The following EIF4G1 variants were observed in gnomAD, a reference collection of about 807,000 sequenced individuals.
EIF4G1 encodes the protein EIF4-gamma.
Under a neutral mutation model 187.8 loss-of-function variants are expected in EIF4G1, and 4 were observed. The observed-to-expected ratio is 0.02, with a 90% CI of 0.01 to 0.05. The LOEUF is 0.05. Ranked by LOEUF, EIF4G1 falls within the 10% of genes least tolerant of loss-of-function variation. The probability of loss-of-function intolerance (pLI) is 1.00; values close to 1 mark genes in which losing one functional copy is unlikely to be tolerated. For synonymous variants in EIF4G1, 844 were observed against 781.4 expected (o/e 1.08, Z -1.34); for missense variants, 1,647 against 2,081.1 (o/e 0.79, Z 4.06).
In EIF4G1 at chr3:184,327,417, C is replaced by A. The variant is rs563573587; in HGVS notation, c.3630C>A (p.Leu1210=). Residue 1210 remains leucine (L), a synonymous_variant, in exon 24 of 33, where the codon CTC becomes CTA. Coordinates refer to ENST00000346169, the MANE Select transcript of EIF4G1 (RefSeq NM_198241.3). Reference sequence around the variant, plus strand: ...AGGGGCTGCGCAAGGCAGCTAGCCTCACGGAGGATCGGGACCGTGGGCGGG... The same window carrying A: ...AGGGGCTGCGCAAGGCAGCTAGCCTAACGGAGGATCGGGACCGTGGGCGGG... ...QPEGLRKAAS[L]TEDRDRGRDA... 1 of 1,613,538 alleles carries A rather than the reference C, an allele frequency of 6.2e-7. No individual in the cohort carries two copies. The highest frequency in any genetic ancestry group is 1.7e-5 in the Admixed American group (1 of 60,032).
intron 26 of EIF4G1, 23 bp from the exon 27 acceptor site, chr3:184,328,608 T>C: frequency 1.2e-6 from 2 of 1,614,158 alleles, no homozygotes; most frequent in Non-Finnish European, 1.7e-6. Flanking sequence ...CTAGAATGTC[T>C]TGACTTTGAA....
chr3:184,317,879 G>T (rs2108465959), intron 6 of EIF4G1, 63 bp downstream of exon 6: 2 of 1,249,224 alleles, frequency 1.6e-6, no homozygotes, highest in East Asian at 4.7e-5. Flanking sequence ...CTCATCTGCT[G>T]ATTTCTAAAG....
In EIF4G1 at chr3:184,324,888, G is replaced by A. The variant is rs1309907826; in HGVS notation, c.2630G>A (p.Arg877Gln). The A allele has an allele frequency of 8.1e-6, 13 of 1,613,652 alleles. No individual in the cohort carries two copies. Among genetic ancestry groups the A allele is most frequent in the South Asian group, 1.1e-5 (1 of 91,088 alleles). Residue 877 changes from arginine to glutamine, a missense_variant, in exon 18 of 33, where the codon CGA (arginine) becomes CAA (glutamine). Around this residue, in one of 11 missense-constraint regions of EIF4G1, gnomAD observed 40 missense variants for 42.2 expected, o/e 0.95. Coordinates refer to ENST00000346169, the MANE Select transcript of EIF4G1 (RefSeq NM_198241.3). Reference protein sequence around the residue: ...EMDEAATAEERGRLKEELEEA... With the variant: ...EMDEAATAEEQGRLKEELEEA... Reference sequence around the variant, plus strand: ...TCCTGTGAATGGCAGGCAGAGGAACGAGGACGCCTGAAGGAAGAGCTGGAA... The same window carrying A: ...TCCTGTGAATGGCAGGCAGAGGAACAAGGACGCCTGAAGGAAGAGCTGGAA...
In EIF4G1 at chr3:184,321,392, C is replaced by G; in HGVS notation, c.808C>G (p.Pro270Ala). The G allele has an allele frequency of 3.7e-6, 6 of 1,614,154 alleles. No homozygotes were observed. Among genetic ancestry groups the G allele is most frequent in the Non-Finnish European group, 5.1e-6 (6 of 1,180,034 alleles). The stretch of plus-strand genomic sequence containing the variant: ...GCCTTCTCCGACCCCATCACCATCC[C>G]CAGTCTTGGAACCGGGGTCTGAGCC... ...SSPSPTPSPS[P>A]VLEPGSEPNL... Residue 270 changes from proline to alanine, a missense_variant, in exon 10 of 33, where the codon CCA becomes GCA. By Grantham distance (27) the Pro-to-Ala change is conservative. This residue lies in a region of EIF4G1 where 522 missense variants were observed against 485.2 expected (regional missense o/e 1.08). Coordinates refer to ENST00000346169, the MANE Select transcript of EIF4G1 (RefSeq NM_198241.3).
chr3:184,317,204 C>A, intron 4 of EIF4G1, 117 bp from the exon 5 acceptor site: 1 of 1,223,014 alleles, frequency 8.2e-7, no homozygotes, highest in Non-Finnish European at 1.2e-6. Flanking sequence ...AAGGATTGGT[C>A]GCCATGTTCT....
At position 184,318,907 on chromosome 3, in the gene EIF4G1, G is replaced by A. The variant is rs114342378; in HGVS notation, c.425-782G>A. Among the ~76,000 whole-genome samples the A allele has an allele frequency of 5.0e-3, 767 of 152,038 alleles. 5 individuals carry two copies. The highest frequency in any genetic ancestry group is 0.017 in the African/African-American group (725 of 41,472). The stretch of plus-strand genomic sequence containing the variant: ...GGCGTGAGCCACCACGCCTGGCCCT[G>A]TCTCAACTAAAAATACAAAAATTAG... On this transcript the variant is annotated intron_variant, in intron 6 of 32. Coordinates refer to ENST00000346169, the MANE Select transcript of EIF4G1 (RefSeq NM_198241.3).
At chr3:184,320,601 C>T in intron 7 of EIF4G1, 29 bp from the exon 8 acceptor site, 1 of 1,614,002 alleles carries the variant, frequency 6.2e-7, no homozygotes, top group African/African-American at 1.3e-5. Context: ...TTCCTGCTTC[C>T]CACTCATCTT....
Position 184,324,189 on chromosome 3 carries a change from T to C in EIF4G1, c.2473-12T>C. The C allele has an allele frequency of 6.2e-7, 1 of 1,614,208 alleles. No individual in the cohort carries two copies. The highest frequency in any genetic ancestry group is 2.2e-5 in the East Asian group (1 of 44,886). ...GACTAGTCTTGAGTGTGACATTCTCTCTGACCTACAGCTGAAAGTGCCCAC... is the reference window on the plus strand; with the variant it reads ...GACTAGTCTTGAGTGTGACATTCTCCCTGACCTACAGCTGAAAGTGCCCAC... On this transcript the variant is annotated splice_polypyrimidine_tract_variant and intron_variant, in intron 16 of 32. Transcript: ENST00000346169.
At chr3:184,315,316 C>T (rs752600124) in intron 1 of EIF4G1, 173 bp from the exon 2 acceptor site, 4 of 498,142 alleles carry the variant, frequency 8.0e-6, no homozygotes, top group African/African-American at 1.9e-5. Context: ...CCTGTGTGCC[C>T]CTGGGCCAGG....
chr3:184,326,524 C>T lies in EIF4G1; in HGVS notation c.3223-3C>T, dbSNP rs1330199500. On this transcript the variant is annotated splice_region_variant and splice_polypyrimidine_tract_variant and intron_variant, in intron 21 of 32. Transcript: ENST00000346169. The stretch of plus-strand genomic sequence containing the variant: ...ATGATTCTACTCCCCTTTTCTTCTT[C>T]AGCCTGGCTCCATCGATTCTAACAA... 6.2e-7 allele frequency: 1 copy of T among 1,613,966 alleles called. No individual in the cohort carries two copies. Among genetic ancestry groups the T allele is most frequent in the South Asian group, 1.1e-5 (1 of 91,072 alleles).
At chr3:184,315,169 T>A in intron 1 of EIF4G1, 1 of 352,664 alleles carries the variant, frequency 2.8e-6, no homozygotes, top group South Asian at 2.1e-5. Flanking sequence ...GACCCTCACT[T>A]GCCTGAAACC....
intron 28 of EIF4G1, 135 bp from the exon 29 acceptor site, chr3:184,331,131 T>TTTCTA: frequency 1.0e-6 from 1 of 960,564 alleles, no homozygotes; most frequent in Non-Finnish European, 1.7e-6. Flanking sequence ...CCTATTAGTA[T>TTTCTA]TTCTATAGCA....
At chr3:184,316,975 T>C (rs899943381) in intron 4 of EIF4G1, among the ~76,000 whole-genome samples, 1 of 152,154 alleles carries the variant, frequency 6.6e-6, no homozygotes, top group African/African-American at 2.4e-5. Context: ...GAGCAGTGCA[T>C]GCTGGGGATA....
rs892048431 is a variant in EIF4G1 at position 184,334,658 on chromosome 3, AGGGTTCCCTGGGGTGGGCTG to A, written c.4619-64_4619-45del. ...CCTTGTTTGAACAGTGGAACTTGGG[AGGGTTCCCTGGGGTGGGCTG>A]GGGTGGCGGTGGCCAGTCACCTCTA... On this transcript the variant is annotated intron_variant, in intron 32 of 32. Transcript: ENST00000346169. The surrounding 1 kb of genome is among the most constrained non-coding windows in gnomAD (Gnocchi z 5.8). 7.5e-6 allele frequency: 12 copies of A among 1,599,604 alleles called. No individual in the cohort carries two copies. Among genetic ancestry groups the A allele is most frequent in the Admixed American group, 5.0e-5 (3 of 59,690 alleles).
At position 184,323,209 on chromosome 3, in the gene EIF4G1, G is replaced by T. The variant is rs112019125; in HGVS notation, c.2056G>T (p.Gly686Cys). The change falls in exon 14 of 33, where the codon GGT becomes TGT. Residue 686 changes from glycine to cysteine, a missense_variant. Gly to Cys is a radical substitution (Grantham distance 159). Around this residue, in one of 11 missense-constraint regions of EIF4G1, gnomAD observed 140 missense variants for 222.2 expected, o/e 0.63. Coordinates refer to ENST00000346169, the MANE Select transcript of EIF4G1 (RefSeq NM_198241.3). The surrounding 1 kb of genome is among the most constrained non-coding windows in gnomAD (Gnocchi z 6.9). ...CCTTAGCACCCGTGGGCCCCCAAGG[G>T]GTGGGCCAGGTGGGGAGCTGCCCCG... ...TTLSTRGPPRGGPGGELPRGP... is the reference protein window; with the variant it reads ...TTLSTRGPPRCGPGGELPRGP... 357 of 1,614,230 alleles carry T rather than the reference G, an allele frequency of 2.2e-4. No individual in the cohort carries two copies. The highest frequency in any genetic ancestry group is 3.5e-4 in the Admixed American group (21 of 60,024).
Position 184,327,753 on chromosome 3 carries a change from A to G in EIF4G1, c.3780+49A>G, listed in dbSNP as rs773738439. 5.6e-6 allele frequency: 9 copies of G among 1,613,448 alleles called. No individual in the cohort carries two copies. The African/African-American group carries it at 9.4e-5, about 17-fold the overall frequency. ...ATTGAGGAGTGGGCAGGGAGGGATC[A>G]TGCTGGCAGGCATAGGGGTCCGGGG... On this transcript the variant is annotated intron_variant, in intron 25 of 32. Coordinates refer to ENST00000346169, the MANE Select transcript of EIF4G1 (RefSeq NM_198241.3).
chr3:184,316,646 T>G, intron 4 of EIF4G1: 1 of 1,481,860 alleles, frequency 6.7e-7, no homozygotes, highest in Non-Finnish European at 9.2e-7. Context: ...TCTTATTGCC[T>G]TCATTCCCTC....
At chr3:184,328,425 C>CCAT in intron 26 of EIF4G1, 1 of 747,110 alleles carries the variant, frequency 1.3e-6, no homozygotes, top group Non-Finnish European at 2.2e-6. Flanking sequence ...GGTTCCTTGA[C>CCAT]CATCCTGGTC....
At position 184,324,454 on chromosome 3, in the gene EIF4G1, T is replaced by C. The variant is rs911852820; in HGVS notation, c.2619+107T>C. ...ATGGAGGTAGTGGTGTCTTGGGGAT[T>C]TCTCTGGCTCAGGACGTTTTTTTTC... On this transcript the variant is annotated intron_variant, in intron 17 of 32. Coordinates refer to ENST00000346169, the MANE Select transcript of EIF4G1 (RefSeq NM_198241.3). 3.2e-6 allele frequency: 5 copies of C among 1,550,474 alleles called. No homozygotes were observed. The Admixed American group carries it at 6.8e-5, about 21-fold the overall frequency.
Sources: allele counts gnomAD v4.1 joint callset (sites outside exome capture counted in the v4.1 genomes callset), GRCh38; gene constraint gnomAD v4.1.1; regional missense constraint gnomAD v4.1.1; non-coding constraint Gnocchi (gnomAD v3.1); transcripts MANE v1.5; gene names NCBI Gene and HGNC (gene_info 2026-07-23, HGNC 2026-07-21).